TTC28: variants seen among roughly 807,000 people sequenced by gnomAD.
TTC28 encodes the protein tetratricopeptide repeat protein 28.
In TTC28, 61 loss-of-function variants were observed where a neutral mutation model predicts 198.0. The observed-to-expected ratio is 0.31, with a 90% CI of 0.25 to 0.38. The LOEUF (loss-of-function observed/expected upper bound fraction) is 0.38. TTC28 is among the 10% of genes least tolerant of loss of function. The pLI is 1.00. For missense variants in TTC28, 2,678 were observed against 3,164.0 expected, an observed-to-expected ratio of 0.85 and a Z score of 3.69; for synonymous variants, 1,171 against 1,297.8, an observed-to-expected ratio of 0.90 and a Z score of 2.10.
At chr22:28,637,756 A>T (rs2051299550) in intron 1 of TTC28, among the ~76,000 whole-genome samples, 1 of 145,906 alleles carries the variant, frequency 6.9e-6, no homozygotes, top group Admixed American at 6.9e-5. Flanking sequence ...TTTTTAAATT[A>T]AAAAAAAAAA....
At chr22:28,207,925 C>T (rs184411267) in intron 5 of TTC28, among the ~76,000 whole-genome samples, 55 of 152,146 alleles carry the variant, frequency 3.6e-4, no homozygotes, top group South Asian at 1.2e-3. Flanking sequence ...GAACTTGACT[C>T]GCATGAGGTT....
chr22:28,358,799 G>A (rs1429557828), intron 2 of TTC28, among the ~76,000 whole-genome samples: 1 of 152,142 alleles, frequency 6.6e-6, no homozygotes, highest in African/African-American at 2.4e-5. Context: ...TACAGGTAGT[G>A]GGTGAATGAG....
intron 2 of TTC28, among the ~76,000 whole-genome samples, chr22:28,513,688 CAA>C (rs1401690161): frequency 6.6e-6 from 1 of 152,036 alleles, no homozygotes; most frequent in Non-Finnish European, 1.5e-5. Flanking sequence ...AGGAAAACAT[CAA>C]GTTACATTAT....
intron 1 of TTC28, among the ~76,000 whole-genome samples, chr22:28,670,704 CATATAT>C (rs146059811): frequency 7.0e-5 from 9 of 128,600 alleles, no homozygotes; most frequent in Non-Finnish European, 1.0e-4. Flanking sequence ...GTCTTTAGGG[CATATAT>C]ATATATATAT....
intron 2 of TTC28, among the ~76,000 whole-genome samples, chr22:28,502,631 G>A (rs1270945655): frequency 5.3e-5 from 8 of 151,694 alleles, no homozygotes; most frequent in Non-Finnish European, 1.2e-4. Context: ...CTGGGTGGCA[G>A]AGCAAGGCTC....
intron 2 of TTC28, among the ~76,000 whole-genome samples, chr22:28,509,343 A>AG (rs1173686993): frequency 6.6e-6 from 1 of 152,216 alleles, no homozygotes; most frequent in Non-Finnish European, 1.5e-5. Flanking sequence ...ACAGTCTCTC[A>AG]GACCACAGTG....
At chr22:28,081,028 T>C (rs1162761022) in intron 12 of TTC28, among the ~76,000 whole-genome samples, 1 of 151,488 alleles carries the variant, frequency 6.6e-6, no homozygotes, top group Non-Finnish European at 1.5e-5. Context: ...CTATTTATTC[T>C]ATTTCATTGG....
chr22:28,210,358 G>C lies in TTC28; in HGVS notation c.934-46759C>G, dbSNP rs183069180. Among the ~76,000 whole-genome samples the C allele has an allele frequency of 9.7e-4, 147 of 152,206 alleles. 3 individuals are homozygous for C. The highest frequency in any genetic ancestry group is 3.2e-3 in the African/African-American group (133 of 41,538). On this transcript the variant is annotated intron_variant, in intron 5 of 22. Transcript: ENST00000397906. ...TAACAAACTTCTCCAAACTAAAGGA[G>C]GATGTTCGAAGAAAAGAAGCTAAAA...
At chr22:28,110,031 T>C (rs1032426902) in intron 6 of TTC28, among the ~76,000 whole-genome samples, 1 of 152,178 alleles carries the variant, frequency 6.6e-6, no homozygotes, top group Non-Finnish European at 1.5e-5. Flanking sequence ...TATCAGAACT[T>C]GTGGTGGGCA....
At position 27,979,516 on chromosome 22, in the gene TTC28, T is replaced by C. The variant is rs563859816; in HGVS notation, c.*2705A>G. The C allele has an allele frequency of 6.6e-6, 1 of 151,190 alleles. No homozygotes were observed. Among genetic ancestry groups the C allele is most frequent in the South Asian group, 2.1e-4 (1 of 4,768 alleles). 9.4% of individuals were successfully genotyped at this position (151,190 alleles called of 1,614,324 possible). ...AAAAGGCCAGGTATTGAATATTTTA[T>C]GTGGTGTGGGCCAAAGGCAAAATCA... On this transcript the variant is annotated 3_prime_UTR_variant, in exon 23 of 23. Transcript: ENST00000397906.
At chr22:28,513,322 A>T (rs1235892008) in intron 2 of TTC28, among the ~76,000 whole-genome samples, 1 of 152,204 alleles carries the variant, frequency 6.6e-6, no homozygotes, top group Non-Finnish European at 1.5e-5. Context: ...TGATAGCTTC[A>T]GCCACCTCAC....
chr22:28,469,377 T>C (rs747131885), intron 2 of TTC28, among the ~76,000 whole-genome samples: 1 of 152,248 alleles, frequency 6.6e-6, no homozygotes, highest in African/African-American at 2.4e-5. Flanking sequence ...GTAAACTAAA[T>C]AACAGCCCCC....
In TTC28 at chr22:28,006,202, G is replaced by T. The variant is rs143608774; in HGVS notation, c.4219-4649C>A. Among the ~76,000 whole-genome samples the T allele has an allele frequency of 5.9e-3, 900 of 152,228 alleles. 3 individuals carry two copies. The highest frequency in any genetic ancestry group is 0.01 in the Middle Eastern group (3 of 294). ...GGGTGAAAAACCAGTAGGGTTGGGG[G>T]TAGGAGCTCTGCACACTCCAACAAG... On this transcript the variant is annotated intron_variant, in intron 14 of 22. Coordinates refer to ENST00000397906, the MANE Select transcript of TTC28 (RefSeq NM_001145418.2).
At chr22:28,526,822 C>A (rs1414754085) in intron 2 of TTC28, among the ~76,000 whole-genome samples, 1 of 151,810 alleles carries the variant, frequency 6.6e-6, no homozygotes, top group Non-Finnish European at 1.5e-5. Context: ...AATGGTACCA[C>A]CTCGGCTCAC....
chr22:28,281,299 T>G (rs2044578210), intron 5 of TTC28, among the ~76,000 whole-genome samples: 1 of 152,162 alleles, frequency 6.6e-6, no homozygotes, highest in South Asian at 2.1e-4. Context: ...TAATCTATTT[T>G]CTCTCTGATT....
chr22:28,179,122 A>G lies in TTC28; in HGVS notation c.934-15523T>C, dbSNP rs566765378. Among the ~76,000 whole-genome samples, 3 of 152,022 alleles carry G rather than the reference A, an allele frequency of 2.0e-5. No homozygotes were observed. In the South Asian group the frequency reaches 6.2e-4, roughly 32 times the overall value. On this transcript the variant is annotated intron_variant, in intron 5 of 22. Transcript: ENST00000397906. ...GACTAATTAGAATACAATTGGGTCTATTTTAAGCACTAATGGTACTTAGTT... is the reference window on the plus strand; with the variant it reads ...GACTAATTAGAATACAATTGGGTCTGTTTTAAGCACTAATGGTACTTAGTT...
chr22:28,453,438 ACTGAG>A (rs2047813772), intron 2 of TTC28, among the ~76,000 whole-genome samples: 1 of 152,128 alleles, frequency 6.6e-6, no homozygotes, highest in Non-Finnish European at 1.5e-5. Context: ...CCACTTCTCT[ACTGAG>A]CTCCAGACTT....
At chr22:28,363,746 G>A (rs2145967917) in intron 2 of TTC28, among the ~76,000 whole-genome samples, 1 of 152,314 alleles carries the variant, frequency 6.6e-6, no homozygotes, top group East Asian at 1.9e-4. Flanking sequence ...GTGAGACATG[G>A]AGTCAAAGGA....
chr22:28,190,950 A>C (rs1191537397), intron 5 of TTC28, among the ~76,000 whole-genome samples: 2 of 152,144 alleles, frequency 1.3e-5, no homozygotes, highest in Admixed American at 6.6e-5. Context: ...TATAGCTCTG[A>C]CTATGCCAGC....
Sources: allele counts gnomAD v4.1 joint callset (sites outside exome capture counted in the v4.1 genomes callset), GRCh38; gene constraint gnomAD v4.1.1; transcripts MANE v1.5; gene names NCBI Gene and HGNC (gene_info 2026-07-23, HGNC 2026-07-21).